Variants in LRRC9 observed in about 807,000 individuals in gnomAD.
LRRC9 encodes the protein leucine rich repeat containing 9.
A neutral mutation model predicts 63.2 loss-of-function variants in LRRC9; 122 were observed. The ratio of observed to expected loss-of-function variants is 1.93; its 90% CI spans 1.67 to 2.24. The LOEUF (loss-of-function observed/expected upper bound fraction) is 2.24. Among genes scored for constraint, LRRC9 ranks in the 30% most tolerant of loss-of-function variants. The pLI is 0.00. For synonymous variants in LRRC9, 366 were observed against 213.1 expected (o/e 1.72, Z -6.25); for missense variants, 1,071 against 627.7 (o/e 1.71, Z -7.55).
intron 25 of LRRC9, 39 bp downstream of exon 25, chr14:60,018,518 C>A (rs1410135589): frequency 1.8e-5 from 12 of 667,254 alleles, no homozygotes; most frequent in Non-Finnish European, 3.3e-5. Flanking sequence ...TCAAGGTTTC[C>A]AATGCAAATT....
At chr14:60,050,683 T>C (rs1436642759) in intron 29 of LRRC9, among the ~76,000 whole-genome samples, 1 of 152,180 alleles carries the variant, frequency 6.6e-6, no homozygotes, top group Non-Finnish European at 1.5e-5. Context: ...GTTTTTGCAT[T>C]GATTTTTTTC....
intron 29 of LRRC9, among the ~76,000 whole-genome samples, chr14:60,049,990 CATTTT>C (rs201161813): frequency 3.1e-4 from 47 of 151,552 alleles, no homozygotes; most frequent in African/African-American, 9.0e-4. Context: ...TTCTATCTGT[CATTTT>C]ATTTTATTTT....
At chr14:59,943,522 T>C (rs776234171) in intron 7 of LRRC9, among the ~76,000 whole-genome samples, 103 of 152,298 alleles carry the variant, frequency 6.8e-4, no homozygotes, top group Non-Finnish European at 1.1e-3. Flanking sequence ...GGTTTTTTCT[T>C]TTAACTCAGT....
chr14:59,986,154 G>C lies in LRRC9; in HGVS notation c.2211+930G>C, dbSNP rs1263828112. Among the ~76,000 whole-genome samples, 1 of 152,074 alleles carries C rather than the reference G, an allele frequency of 6.6e-6. No individual in the cohort carries two copies. Among genetic ancestry groups the C allele is most frequent in the African/African-American group, 2.4e-5 (1 of 41,396 alleles). ...TGTGTTTGCCTTCTTGTATATCATA[G>C]GACAATACAGGAATGCACATGTACA... On this transcript the variant is annotated intron_variant, in intron 17 of 31. Coordinates refer to ENST00000445360, the Ensembl canonical transcript of LRRC9. This position sits in a 1 kb window ranked among gnomAD's most constrained non-coding sequence, Gnocchi z 4.7.
At chr14:60,043,060 G>GT (rs1349523216) in intron 29 of LRRC9, among the ~76,000 whole-genome samples, 2 of 152,060 alleles carry the variant, frequency 1.3e-5, no homozygotes, top group Admixed American at 1.3e-4. Context: ...TGTAGCTATT[G>GT]TAACAGGATT....
At chr14:59,982,182 A>G in intron 16 of LRRC9, 122 bp downstream of exon 16, 1 of 585,412 alleles carries the variant, frequency 1.7e-6, no homozygotes, top group Non-Finnish European at 3.0e-6. Context: ...ATGCTACCTA[A>G]AGCGTCCATT....
intron 29 of LRRC9, among the ~76,000 whole-genome samples, chr14:60,048,761 G>T (rs955199563): frequency 3.3e-5 from 5 of 152,148 alleles, no homozygotes; most frequent in Non-Finnish European, 7.4e-5. Context: ...AAATTGAAAA[G>T]GAGGGTCTCC....
At chr14:59,977,951 G>T (rs1046602767) in intron 14 of LRRC9, 66 bp from the exon 15 acceptor site, 1 of 654,618 alleles carries the variant, frequency 1.5e-6, no homozygotes, top group East Asian at 2.8e-5. Context: ...AACTATGTAA[G>T]AATGAAAAAG....
chr14:59,974,524 T>G, intron 12 of LRRC9, 52 bp from the exon 13 acceptor site: 1 of 547,994 alleles, frequency 1.8e-6, no homozygotes, highest in Non-Finnish European at 3.2e-6. Flanking sequence ...GTATTGAAGT[T>G]GAAGTATTGT....
chr14:60,044,751 GT>G (rs1893262251), intron 29 of LRRC9, among the ~76,000 whole-genome samples: 1 of 152,298 alleles, frequency 6.6e-6, no homozygotes, highest in African/African-American at 2.4e-5. Flanking sequence ...TGAAAAGAAT[GT>G]GTATTCTGAA....
At chr14:59,973,928 T>TCGTG (rs1319826794) in intron 12 of LRRC9, among the ~76,000 whole-genome samples, 1 of 152,102 alleles carries the variant, frequency 6.6e-6, no homozygotes, top group African/African-American at 2.4e-5. Context: ...TGAGTTCAAA[T>TCGTG]CGTGACTTTG....
In LRRC9 at chr14:60,013,841, T is replaced by C. The variant is rs532141273; in HGVS notation, c.3187-2819T>C. On this transcript the variant is annotated intron_variant, in intron 23 of 31. Coordinates refer to ENST00000445360, the Ensembl canonical transcript of LRRC9. ...TTGTTGACAACATACAGTTGGATCA[T>C]GTTCTTTTACCTTTTAGCTAATTTT... Among the ~76,000 whole-genome samples the C allele has an allele frequency of 9.2e-5, 14 of 152,324 alleles. 2 individuals are homozygous for C. Among genetic ancestry groups the C allele is most frequent in the African/African-American group, 3.1e-4 (13 of 41,580 alleles).
rs1295399986 is a variant in LRRC9 at position 60,003,448 on chromosome 14, C to T, written c.2665-173C>T. Among the ~76,000 whole-genome samples, 1 of 152,208 alleles carries T rather than the reference C, an allele frequency of 6.6e-6. No individual in the cohort carries two copies. Among genetic ancestry groups the T allele is most frequent in the East Asian group, 1.9e-4 (1 of 5,200 alleles). On this transcript the variant is annotated intron_variant, in intron 20 of 31. Coordinates refer to ENST00000445360, the Ensembl canonical transcript of LRRC9. The surrounding 1 kb of genome is among the most constrained non-coding windows in gnomAD (Gnocchi z 4.2). ...GTCCTTCTTGGAGTTATAATCTCGT[C>T]AAATTTTACTTTTCTGTAAACTGAC...
At chr14:59,925,880 C>T (rs938430953) in intron 1 of LRRC9, among the ~76,000 whole-genome samples, 5 of 152,058 alleles carry the variant, frequency 3.3e-5, no homozygotes, top group Admixed American at 1.3e-4. Flanking sequence ...ATTTCAAGGG[C>T]GAGACTAGGT....
In LRRC9 at chr14:59,977,945, A is replaced by G. The variant is rs529342221; in HGVS notation, c.1763-72A>G. The G allele has an allele frequency of 8.4e-4, 544 of 650,950 alleles. 9 individuals are homozygous for G. The South Asian group carries it at 9.1e-3, about 11-fold the overall frequency. The allele number at this position is 650,950 out of a possible 1,614,324, so 40.3% of individuals were successfully genotyped here. On this transcript the variant is annotated intron_variant, in intron 14 of 31. Transcript: ENST00000445360. ...TATTGAGTTTGTTAATTATTAAACT[A>G]TGTAAGAATGAAAAAGTATGTTTCA...
chr14:59,982,954 C>T (rs1887086679), intron 16 of LRRC9, among the ~76,000 whole-genome samples: 1 of 152,122 alleles, frequency 6.6e-6, no homozygotes, highest in Admixed American at 6.5e-5. Flanking sequence ...GGGATCTTTA[C>T]AAAATTAATC....
chr14:60,034,947 C>A (rs1303995291), intron 29 of LRRC9, among the ~76,000 whole-genome samples: 1 of 152,100 alleles, frequency 6.6e-6, no homozygotes, highest in African/African-American at 2.4e-5. Context: ...TGGTAATTTA[C>A]ATTCCCACCA....
rs1237543032 is a variant in LRRC9 at position 60,017,268 on chromosome 14, CATG to C, written c.3317+481_3317+483del. Among the ~76,000 whole-genome samples, 5 of 152,048 alleles carry C rather than the reference CATG, an allele frequency of 3.3e-5. No homozygotes were observed. Among genetic ancestry groups the C allele is most frequent in the East Asian group, 1.9e-4 (1 of 5,178 alleles). On this transcript the variant is annotated intron_variant, in intron 24 of 31. Transcript: ENST00000445360. This position sits in a 1 kb window ranked among gnomAD's most constrained non-coding sequence, Gnocchi z 4.0. The stretch of plus-strand genomic sequence containing the variant: ...TCTTGTAGTCCTTTTCTTTACTGCC[CATG>C]ATACTTCATACTTCAGAAATTCTGA...
At chr14:59,954,502 A>G (rs898525220) in intron 8 of LRRC9, among the ~76,000 whole-genome samples, 3 of 152,132 alleles carry the variant, frequency 2.0e-5, no homozygotes, top group Non-Finnish European at 4.4e-5. Context: ...ATTTTTGTAC[A>G]TTGATTTTAT....
Sources: allele counts gnomAD v4.1 joint callset (sites outside exome capture counted in the v4.1 genomes callset), GRCh38; gene constraint gnomAD v4.1.1; non-coding constraint Gnocchi (gnomAD v3.1); transcripts MANE v1.5; gene names NCBI Gene and HGNC (gene_info 2026-07-23, HGNC 2026-07-21).